CTIF: variants seen among roughly 807,000 people sequenced by gnomAD.
CTIF encodes cap binding complex dependent translation initiation factor, also known as CBP80/20-dependent translation initiation factor.
Under a neutral mutation model 66.0 loss-of-function variants are expected in CTIF, and 21 were observed. The ratio of observed to expected loss-of-function variants is 0.32; its 90% CI spans 0.23 to 0.46. The LOEUF (loss-of-function observed/expected upper bound fraction) is 0.46. Among genes scored for constraint, CTIF ranks in the 20% least tolerant of loss-of-function variants. CTIF has a pLI of 1.00. For missense variants in CTIF, 739 were observed against 812.7 expected, an observed-to-expected ratio of 0.91 and a Z score of 1.10; for synonymous variants, 345 against 326.4, an observed-to-expected ratio of 1.06 and a Z score of -0.62.
chr18:48,831,686 T>C (rs1236123798), intron 10 of CTIF, among the ~76,000 whole-genome samples: 1 of 152,266 alleles, frequency 6.6e-6, no homozygotes. Context: ...TAATTTTACA[T>C]GGCCTAGTAG....
At chr18:48,562,988 G>A (rs556878690) in intron 1 of CTIF, among the ~76,000 whole-genome samples, 57 of 152,372 alleles carry the variant, frequency 3.7e-4, no homozygotes, top group African/African-American at 1.3e-3. Flanking sequence ...GCTGAAAGGA[G>A]ATTCACGCTG....
intron 9 of CTIF, among the ~76,000 whole-genome samples, chr18:48,790,130 C>T (rs948532468): frequency 6.6e-6 from 1 of 152,202 alleles, no homozygotes; most frequent in Non-Finnish European, 1.5e-5. Flanking sequence ...ACAGAGGTTC[C>T]GCCCCCAGTA....
chr18:48,853,611 C>T (rs1467978917), intron 10 of CTIF, among the ~76,000 whole-genome samples: 1 of 152,220 alleles, frequency 6.6e-6, no homozygotes, highest in Non-Finnish European at 1.5e-5. Flanking sequence ...AAACCCAGTT[C>T]TCAGGCCAGT....
In CTIF at chr18:48,860,981, C is replaced by A. The variant is rs994014899; in HGVS notation, c.*1422C>A. 2 of 152,270 alleles carry A rather than the reference C, an allele frequency of 1.3e-5. No individual in the cohort carries two copies. The highest frequency in any genetic ancestry group is 6.5e-5 in the Admixed American group (1 of 15,290). 9.4% of individuals were successfully genotyped at this position (152,270 alleles called of 1,614,324 possible). On this transcript the variant is annotated 3_prime_UTR_variant, in exon 12 of 12. Transcript: ENST00000256413. ...GCTGGAGCACACACTTTGATGAGCCCCCCCGGAAATGATGTCAGAGCCTAG... is the reference window on the plus strand; with the variant it reads ...GCTGGAGCACACACTTTGATGAGCCACCCCGGAAATGATGTCAGAGCCTAG...
At chr18:48,710,268 G>A (rs1255084328) in intron 6 of CTIF, among the ~76,000 whole-genome samples, 1 of 152,200 alleles carries the variant, frequency 6.6e-6, no homozygotes, top group Non-Finnish European at 1.5e-5. Flanking sequence ...GTGGGGAGTG[G>A]GCCAGAATAG....
intron 1 of CTIF, among the ~76,000 whole-genome samples, chr18:48,585,363 C>T (rs1332734325): frequency 1.3e-5 from 2 of 152,202 alleles, no homozygotes; most frequent in Non-Finnish European, 2.9e-5. Context: ...TTCTCTTAAC[C>T]CTACCTCTGG....
chr18:48,810,230 G>A (rs2068231779), intron 9 of CTIF, among the ~76,000 whole-genome samples: 1 of 151,958 alleles, frequency 6.6e-6, no homozygotes, highest in Admixed American at 6.5e-5. Context: ...ACACTTCAAG[G>A]GCTCAATATA....
chr18:48,838,401 C>T (rs77314890), intron 10 of CTIF, among the ~76,000 whole-genome samples: 4,550 of 152,236 alleles, frequency 0.03, 155 homozygotes, highest in South Asian at 0.18. Flanking sequence ...GTGAGCCTCT[C>T]GGTGCAGTGG....
At chr18:48,745,163 G>C (rs146553543) in intron 7 of CTIF, among the ~76,000 whole-genome samples, 22 of 152,120 alleles carry the variant, frequency 1.4e-4, no homozygotes, top group African/African-American at 5.1e-4. Flanking sequence ...CATGACATTG[G>C]CCTTTTTTTA....
At chr18:48,562,287 A>G (rs1299438314) in intron 1 of CTIF, among the ~76,000 whole-genome samples, 1 of 152,244 alleles carries the variant, frequency 6.6e-6, no homozygotes, top group East Asian at 1.9e-4. Flanking sequence ...GAGAGGAGAA[A>G]ACTGAGGCAG....
At position 48,860,096 on chromosome 18, in the gene CTIF, C is replaced by T. The variant is rs1455660935; in HGVS notation, c.*537C>T. 1.1e-5 allele frequency: 4 copies of T among 379,050 alleles called. No homozygotes were observed. Among genetic ancestry groups the T allele is most frequent in the South Asian group, 1.9e-5 (1 of 53,020 alleles). 23.5% of individuals were successfully genotyped at this position (379,050 alleles called of 1,614,324 possible). On this transcript the variant is annotated 3_prime_UTR_variant, in exon 12 of 12. Coordinates refer to ENST00000256413, the MANE Select transcript of CTIF (RefSeq NM_014772.3). ...AAAGGCAGGCACGGTCCCCACCAGCCGCCCGTAATTGACGGCCTTTGTCAG... is the reference window on the plus strand; with the variant it reads ...AAAGGCAGGCACGGTCCCCACCAGCTGCCCGTAATTGACGGCCTTTGTCAG...
chr18:48,594,676 A>G (rs900658654), intron 1 of CTIF, among the ~76,000 whole-genome samples: 2 of 152,194 alleles, frequency 1.3e-5, no homozygotes, highest in South Asian at 4.1e-4. Context: ...GGTGCCGGAA[A>G]TCCATGCACC....
At chr18:48,631,907 C>G (rs147083541) in intron 2 of CTIF, among the ~76,000 whole-genome samples, 4 of 152,136 alleles carry the variant, frequency 2.6e-5, no homozygotes, top group Non-Finnish European at 5.9e-5. Context: ...AGCCCTGGCC[C>G]GGACTGAGGA....
At chr18:48,565,962 G>T (rs983844165) in intron 1 of CTIF, 7 of 152,348 alleles carry the variant, frequency 4.6e-5, no homozygotes, top group African/African-American at 1.7e-4. Context: ...TGCCCAAGAG[G>T]CTGAGGGTGG....
chr18:48,592,442 A>G (rs1191360048), intron 1 of CTIF, among the ~76,000 whole-genome samples: 2 of 150,954 alleles, frequency 1.3e-5, no homozygotes, highest in Non-Finnish European at 2.9e-5. Context: ...GGTTGTGGTG[A>G]GCCGAGATTG....
intron 6 of CTIF, among the ~76,000 whole-genome samples, chr18:48,675,401 G>GGTGGT (rs1465477281): frequency 2.6e-5 from 4 of 152,164 alleles, no homozygotes; most frequent in Non-Finnish European, 4.4e-5. Context: ...GTGGCTGTAT[G>GGTGGT]GTGGTGTGCT....
chr18:48,680,433 G>C (rs2091720872), intron 6 of CTIF, among the ~76,000 whole-genome samples: 1 of 152,264 alleles, frequency 6.6e-6, no homozygotes, highest in South Asian at 2.1e-4. Context: ...CACAGACAAA[G>C]AGCTGCTGGC....
chr18:48,841,420 G>C (rs143032931), intron 10 of CTIF, among the ~76,000 whole-genome samples: 1 of 152,168 alleles, frequency 6.6e-6, no homozygotes, highest in African/African-American at 2.4e-5. Flanking sequence ...TCGTGGCCCC[G>C]GCTCAGCCCA....
chr18:48,560,312 G>A (rs1599142526), intron 1 of CTIF, among the ~76,000 whole-genome samples: 1 of 143,110 alleles, frequency 7.0e-6, no homozygotes, highest in African/African-American at 2.6e-5. Context: ...CTGCAAGCTC[G>A]CCTCCCAGGT....
Sources: gnomAD v4.1 joint callset for allele counts (sites outside exome capture counted in the v4.1 genomes callset) on GRCh38, gnomAD v4.1.1 for gene constraint, MANE v1.5 for transcripts, NCBI Gene and HGNC (gene_info 2026-07-23, HGNC 2026-07-21) for gene names.